NUP54: variants seen among roughly 807,000 people sequenced by gnomAD.
NUP54 encodes the protein nucleoporin p54.
NUP54 carries 27 observed loss-of-function variants against 66.4 expected under a neutral mutation model. The observed-to-expected ratio is 0.41, with a 90% confidence interval of 0.30 to 0.56. The LOEUF is 0.56. Ranked by LOEUF, NUP54 falls within the 20% of genes least tolerant of loss-of-function variation. The pLI, the probability that NUP54 is intolerant of heterozygous loss-of-function variation, is 0.34. For missense variants in NUP54, 486 were observed against 596.3 expected, an observed-to-expected ratio of 0.82 and a Z score of 1.93; for synonymous variants, 206 against 210.7, an observed-to-expected ratio of 0.98 and a Z score of 0.19.
At position 76,114,975 on chromosome 4, in the gene NUP54, G is replaced by C. The variant is rs4730; in HGVS notation, c.*391C>G. 75,436 of 153,368 alleles carry C rather than the reference G, an allele frequency of 0.49. 19,837 individuals are homozygous for C. The highest frequency in any genetic ancestry group is 0.9 in the East Asian group (4,678 of 5,220). The allele number at this position is 153,368 out of a possible 1,614,324, so 9.5% of individuals were successfully genotyped here. ...TCCAACAGCCAAGTAATTATAGTTT[G>C]TTCTGTTATGTGCAAAGTAGATTAT... is the stretch of plus-strand genomic sequence containing the variant. On this transcript the variant is annotated 3_prime_UTR_variant, in exon 12 of 12. Transcript: ENST00000264883.
chr4:76,130,957 C>T, intron 7 of NUP54: 3 of 603,376 alleles, frequency 5.0e-6, no homozygotes, highest in Non-Finnish European at 8.8e-6. Flanking sequence ...TCAGTCAAAA[C>T]ATTACATTAT....
intron 3 of NUP54, among the ~76,000 whole-genome samples, chr4:76,140,587 C>T (rs1731228018): frequency 6.6e-6 from 1 of 151,918 alleles, no homozygotes; most frequent in African/African-American, 2.4e-5. Context: ...CCTTTTTTGT[C>T]TTGGAAGTAG....
intron 11 of NUP54, 60 bp from the exon 12 acceptor site, chr4:76,115,554 C>A (rs139858765): frequency 1.9e-4 from 264 of 1,408,856 alleles, no homozygotes; most frequent in Admixed American, 5.8e-4. Flanking sequence ...GCAAGCTAGT[C>A]ACAGGAAAAA....
chr4:76,129,809 G>A (rs1390562173), intron 8 of NUP54, among the ~76,000 whole-genome samples: 4 of 139,044 alleles, frequency 2.9e-5, no homozygotes, highest in South Asian at 4.6e-4. Context: ...AGCTTGCAGC[G>A]AGCCTAGATC....
intron 8 of NUP54, among the ~76,000 whole-genome samples, chr4:76,127,234 C>T (rs954692162): frequency 3.9e-5 from 6 of 151,958 alleles, no homozygotes; most frequent in African/African-American, 1.5e-4. Flanking sequence ...AGATCGAGAC[C>T]ATCCTGGCTA....
At chr4:76,148,129 C>T in intron 1 of NUP54, 179 bp downstream of exon 1, 1 of 450,434 alleles carries the variant, frequency 2.2e-6, no homozygotes, top group East Asian at 3.5e-5. Context: ...CGAGTACCCC[C>T]GTGGCCTCCT....
At chr4:76,147,406 A>C in intron 1 of NUP54, 1 of 1,052,420 alleles carries the variant, frequency 9.5e-7, no homozygotes, top group Non-Finnish European at 1.2e-6. Flanking sequence ...GTTCTTTCCC[A>C]AACTCCAGGA....
At chr4:76,145,681 T>A in intron 1 of NUP54, 1 of 624,858 alleles carries the variant, frequency 1.6e-6, no homozygotes, top group Non-Finnish European at 2.3e-6. Context: ...ACCAATGTGG[T>A]ATCAAAAAGC....
At chr4:76,134,836 T>C (rs1303969646) in intron 4 of NUP54, among the ~76,000 whole-genome samples, 1 of 152,106 alleles carries the variant, frequency 6.6e-6, no homozygotes, top group Non-Finnish European at 1.5e-5. Flanking sequence ...TTTTAGTTTT[T>C]ATTATAAAAT....
At chr4:76,124,920 C>T (rs895072540) in intron 8 of NUP54, among the ~76,000 whole-genome samples, 164 bp from the exon 9 acceptor site, 2 of 152,132 alleles carry the variant, frequency 1.3e-5, no homozygotes, top group African/African-American at 4.8e-5. Context: ...TCCCTTTTTA[C>T]ATACCTAAAA....
chr4:76,143,236 T>G (rs1375680143), intron 3 of NUP54, among the ~76,000 whole-genome samples: 1 of 152,214 alleles, frequency 6.6e-6, no homozygotes, highest in East Asian at 1.9e-4. Context: ...AACTATACCA[T>G]AGGCGTGCAA....
chr4:76,117,811 C>G (rs754838344), intron 10 of NUP54, 37 bp from the exon 11 acceptor site: 2 of 1,480,602 alleles, frequency 1.4e-6, no homozygotes, highest in Non-Finnish European at 1.9e-6. Context: ...CAACTGCCGA[C>G]GAAGACTTGT....
chr4:76,124,976 AT>A (rs1329202637), intron 8 of NUP54, among the ~76,000 whole-genome samples: 1 of 152,110 alleles, frequency 6.6e-6, no homozygotes, highest in Non-Finnish European at 1.5e-5. Flanking sequence ...GCTCTAGGAA[AT>A]TTAGCAATGA....
Position 76,132,860 on chromosome 4 carries a change from C to CTT in NUP54, c.711-143_711-142dup, listed in dbSNP as rs375936861. ...TTTTAGGAGGCAATTAAAATGTTTCCTTTTTTTTTTTTTTTGAGCAAGGTT... is the reference window on the plus strand; with the variant it reads ...TTTTAGGAGGCAATTAAAATGTTTCCTTTTTTTTTTTTTTTTTGAGCAAGGTT... On this transcript the variant is annotated intron_variant, in intron 5 of 11. Coordinates refer to ENST00000264883, the MANE Select transcript of NUP54 (RefSeq NM_017426.4). 4.0e-3 allele frequency: 2,028 copies of CTT among 513,364 alleles called. 5 individuals carry two copies. The highest frequency in any genetic ancestry group is 0.018 in the African/African-American group (850 of 47,152). 31.8% of individuals were successfully genotyped at this position (513,364 alleles called of 1,614,324 possible).
In NUP54 at chr4:76,137,039, G is replaced by C. The variant is rs113717407; in HGVS notation, c.296-627C>G. On this transcript the variant is annotated intron_variant, in intron 3 of 11. Coordinates refer to ENST00000264883, the MANE Select transcript of NUP54 (RefSeq NM_017426.4). ...GGGTCTTACTTTGTTGCCTAGACTG[G>C]AGTGCAGTGGCAAGATCATGGCTCA... 4.0e-3 allele frequency among the ~76,000 whole-genome samples: 604 copies of C among 152,202 alleles called. 6 individuals are homozygous for C. The highest frequency in any genetic ancestry group is 0.014 in the African/African-American group (582 of 41,518).
intron 3 of NUP54, 121 bp downstream of exon 3, chr4:76,144,028 A>T (rs1173220716): frequency 2.0e-6 from 2 of 1,013,470 alleles, no homozygotes; most frequent in Middle Eastern, 4.7e-4. Flanking sequence ...TAACATTCCT[A>T]ATCCTTTGGA....
intron 1 of NUP54, chr4:76,145,802 CA>C: frequency 3.9e-6 from 1 of 257,322 alleles, no homozygotes; most frequent in Non-Finnish European, 7.6e-6. Flanking sequence ...ATCAATATTG[CA>C]ATATAGAAAA....
At chr4:76,121,852 C>T (rs1353311509) in intron 9 of NUP54, among the ~76,000 whole-genome samples, 3 of 152,110 alleles carry the variant, frequency 2.0e-5, no homozygotes, top group Non-Finnish European at 4.4e-5. Context: ...AGCCAGCTTA[C>T]TACATTAATT....
rs192366915 is a variant in NUP54 at position 76,129,088 on chromosome 4, A to G, written c.1056+1568T>C. Among the ~76,000 whole-genome samples, 17 of 152,344 alleles carry G rather than the reference A, an allele frequency of 1.1e-4. No homozygotes were observed. In the East Asian group the frequency reaches 1.5e-3, roughly 14 times the overall value. ...TAGCTATAGGAGTGAATTTCCCATG[A>G]TACCAACAAATGATAAATGTATGGG... On this transcript the variant is annotated intron_variant, in intron 8 of 11. Transcript: ENST00000264883.
Sources: gnomAD v4.1 joint callset for allele counts (sites outside exome capture counted in the v4.1 genomes callset) on GRCh38, gnomAD v4.1.1 for gene constraint, MANE v1.5 for transcripts, NCBI Gene and HGNC (gene_info 2026-07-23, HGNC 2026-07-21) for gene names.